The following H3-3A variants were observed in gnomAD, a reference collection of about 807,000 sequenced individuals.
H3-3A encodes histone H3.3.
For synonymous variants in H3-3A, 49 were observed against 61.4 expected (o/e 0.80, Z 0.95); for missense variants, 7 against 184.0 (o/e 0.04, Z 5.57).
chr1:226,063,977 T>G (rs1379191344), intron 1 of H3-3A: 40 of 160,640 alleles, frequency 2.5e-4, no homozygotes. Context: ...TTTGTGCCTT[T>G]TTTCTTTTGA....
chr1:226,062,878 C>A, intron 1 of H3-3A, 67 bp downstream of exon 1: 1 of 155,206 alleles, frequency 6.4e-6, no homozygotes. Flanking sequence ...CGAGCCGGGC[C>A]CTGGCGGTGC....
At chr1:226,066,305 G>GCACT (rs1168760639) in intron 3 of H3-3A, 1 of 157,900 alleles carries the variant, frequency 6.3e-6, no homozygotes, top group Non-Finnish European at 1.4e-5. Flanking sequence ...AAGGAGCAGT[G>GCACT]AGTGGAGGAT....
At chr1:226,063,252 C>T (rs910150831) in intron 1 of H3-3A, among the ~76,000 whole-genome samples, 1 of 152,106 alleles carries the variant, frequency 6.6e-6, no homozygotes, top group Non-Finnish European at 1.5e-5. Flanking sequence ...TTTGCTGCCT[C>T]CCCACAGTTG....
At chr1:226,070,490 A>T (rs1216901042) in intron 3 of H3-3A, among the ~76,000 whole-genome samples, 1 of 139,206 alleles carries the variant, frequency 7.2e-6, no homozygotes, top group Non-Finnish European at 1.5e-5. Context: ...TAAATAAGGA[A>T]CTGCCGGGCG....
At chr1:226,065,234 G>A (rs999729883) in intron 2 of H3-3A, among the ~76,000 whole-genome samples, 3 of 152,192 alleles carry the variant, frequency 2.0e-5, no homozygotes, top group Non-Finnish European at 2.9e-5. Context: ...AATGCCACAA[G>A]CAGATTTTTA....
chr1:226,063,124 A>G (rs777155718), intron 1 of H3-3A, among the ~76,000 whole-genome samples: 2 of 150,950 alleles, frequency 1.3e-5, no homozygotes, highest in Admixed American at 6.6e-5. Context: ...CCGGACCCCA[A>G]ACCTTCACCA....
At chr1:226,063,161 G>A (rs1285646132) in intron 1 of H3-3A, among the ~76,000 whole-genome samples, 1 of 141,634 alleles carries the variant, frequency 7.1e-6, no homozygotes, top group East Asian at 2.2e-4. Context: ...CTTAACTACC[G>A]CCCCCGGGCC....
At chr1:226,062,844 C>A in intron 1 of H3-3A, 33 bp downstream of exon 1, 1 of 159,582 alleles carries the variant, frequency 6.3e-6, no homozygotes. Flanking sequence ...TTCCCCGGAA[C>A]CGAGCCCCGC....
In H3-3A at chr1:226,071,978, T is replaced by G; in HGVS notation, c.*499T>G. Reference sequence around the variant, plus strand: ...GTCTTCTGTGCTGTTCCTGTAAGTTTGCTATTAAAATACATTAAACTATAC... The same window carrying G: ...GTCTTCTGTGCTGTTCCTGTAAGTTGGCTATTAAAATACATTAAACTATAC... On this transcript the variant is annotated 3_prime_UTR_variant, in exon 4 of 4. Coordinates refer to ENST00000366815, the MANE Select transcript of H3-3A (RefSeq NM_002107.7). The G allele has an allele frequency of 4.6e-6, 1 of 217,930 alleles. No individual in the cohort carries two copies. Among genetic ancestry groups the G allele is most frequent in the Non-Finnish European group, 9.2e-6 (1 of 108,246 alleles). 13.5% of individuals were successfully genotyped at this position (217,930 alleles called of 1,614,324 possible).
intron 3 of H3-3A, among the ~76,000 whole-genome samples, chr1:226,067,631 A>G (rs918209328): frequency 6.6e-6 from 1 of 152,044 alleles, no homozygotes; most frequent in Non-Finnish European, 1.5e-5. Context: ...AATCCCAGCT[A>G]CTAGGGAGGC....
upstream of H3-3A, among the ~76,000 whole-genome samples, chr1:226,062,413 A>G (rs1471511246): frequency 4.0e-5 from 6 of 149,836 alleles, no homozygotes; most frequent in African/African-American, 1.5e-4. Context: ...ATGGGAGTGC[A>G]GGGCCGGGGG....
chr1:226,065,865 A>G (rs1431094565), intron 3 of H3-3A, 56 bp downstream of exon 3: 12 of 1,330,988 alleles, frequency 9.0e-6, no homozygotes, highest in Non-Finnish European at 1.2e-5. Flanking sequence ...TACCAAGAAC[A>G]GTTCCAAATT....
Position 226,071,698 on chromosome 1 carries a change from C to T in H3-3A, c.*219C>T, listed in dbSNP as rs538000326. 359 of 295,244 alleles carry T rather than the reference C, an allele frequency of 1.2e-3. No individual in the cohort carries two copies. Among genetic ancestry groups the T allele is most frequent in the Non-Finnish European group, 1.9e-3 (313 of 167,100 alleles). The allele number at this position is 295,244 out of a possible 1,614,324, so 18.3% of individuals were successfully genotyped here. A position where few individuals can be genotyped will look rare whatever the true frequency, so the allele number is the denominator to read the frequency against. On this transcript the variant is annotated 3_prime_UTR_variant, in exon 4 of 4. Coordinates refer to ENST00000366815, the MANE Select transcript of H3-3A (RefSeq NM_002107.7). ...TGAATTTTTAATATAAATGCGGAGACGTAAAGCATTAATGCAAGTTAAAAT... is the reference window on the plus strand; with the variant it reads ...TGAATTTTTAATATAAATGCGGAGATGTAAAGCATTAATGCAAGTTAAAAT...
chr1:226,071,269 C>G, intron 3 of H3-3A, 82 bp from the exon 4 acceptor site: 1 of 1,154,214 alleles, frequency 8.7e-7, no homozygotes, highest in South Asian at 1.3e-5. Flanking sequence ...GGTTCAAAAA[C>G]CTTTTTGTTT....
rs1017424794 is a variant in H3-3A, at chr1:226,064,384, G to T, written c.33G>T (p.Ser11=). 8 of 1,612,252 alleles carry T rather than the reference G, an allele frequency of 5.0e-6. No individual in the cohort carries two copies. The highest frequency in any genetic ancestry group is 6.8e-6 in the Non-Finnish European group (8 of 1,178,642). MARTKQTARK[S]TGGKAPRKQL... ...GTACAAAGCAGACTGCCCGCAAATC[G>T]ACCGGTGGTAAAGCACCCAGGAAGC... Residue 11 remains serine, a synonymous_variant, in exon 2 of 4, where the codon TCG becomes TCT. Coordinates refer to ENST00000366815, the MANE Select transcript of H3-3A (RefSeq NM_002107.7).
rs754357590 is a variant in H3-3A at position 226,065,531 on chromosome 1, C to T, written c.129-125C>T. On this transcript the variant is annotated intron_variant, in intron 2 of 3. Coordinates refer to ENST00000366815, the MANE Select transcript of H3-3A (RefSeq NM_002107.7). ...TTAAGTTGATCAGTGAAATTTGATA[C>T]TGAAGCTGAAGAATTGTTGGGTGGC... The T allele has an allele frequency of 2.3e-5, 14 of 601,372 alleles. No homozygotes were observed. The East Asian group carries it at 3.9e-4, about 17-fold the overall frequency. 37.3% of individuals were successfully genotyped at this position (601,372 alleles called of 1,614,324 possible). A position where few individuals can be genotyped will look rare whatever the true frequency, so the allele number is the denominator to read the frequency against.
Position 226,069,952 on chromosome 1 carries a change from G to A in H3-3A, c.283-1399G>A, listed in dbSNP as rs1172355572. 4.6e-5 allele frequency among the ~76,000 whole-genome samples: 7 copies of A among 152,284 alleles called. No homozygotes were observed. In the East Asian group the frequency reaches 1.2e-3, roughly 25 times the overall value. On this transcript the variant is annotated intron_variant, in intron 3 of 3. Coordinates refer to ENST00000366815, the MANE Select transcript of H3-3A (RefSeq NM_002107.7). ...TTATGAGTTAATTCTAAGTGGAAAC[G>A]CCCCTTTTTCCTCTTCACAAGTTAA...
chr1:226,068,610 A>G (rs1399356588), intron 3 of H3-3A, among the ~76,000 whole-genome samples: 1 of 152,216 alleles, frequency 6.6e-6, no homozygotes, highest in African/African-American at 2.4e-5. Context: ...ATCTCGGAAT[A>G]TTAAGGACTT....
At chr1:226,068,291 C>T (rs1657991485) in intron 3 of H3-3A, among the ~76,000 whole-genome samples, 1 of 152,178 alleles carries the variant, frequency 6.6e-6, no homozygotes, top group South Asian at 2.1e-4. Flanking sequence ...TCCTTATAAA[C>T]TAGTAGCCAG....
Sources: gnomAD v4.1 joint callset for allele counts (sites outside exome capture counted in the v4.1 genomes callset) on GRCh38, gnomAD v4.1.1 for gene constraint, MANE v1.5 for transcripts, NCBI Gene and HGNC (gene_info 2026-07-23, HGNC 2026-07-21) for gene names.